The following CEP350 variants were observed in gnomAD, a reference collection of about 807,000 sequenced individuals.
The protein encoded by CEP350 is centrosomal protein 350.
Under a neutral mutation model 331.8 loss-of-function variants are expected in CEP350, and 126 were observed. That is an observed-to-expected ratio of 0.38 (90% CI 0.33 to 0.44). CEP350 has a LOEUF of 0.44. Among genes scored for constraint, CEP350 ranks in the 20% least tolerant of loss-of-function variants. The pLI is 1.00. For missense variants in CEP350, 3,406 were observed against 3,634.6 expected, an observed-to-expected ratio of 0.94 and a Z score of 1.62; for synonymous variants, 1,200 against 1,259.5, an observed-to-expected ratio of 0.95 and a Z score of 1.00.
At chr1:179,977,490 G>A (rs988669524) in intron 1 of CEP350, among the ~76,000 whole-genome samples, 1 of 152,056 alleles carries the variant, frequency 6.6e-6, no homozygotes, top group African/African-American at 2.4e-5. Flanking sequence ...CAGCCAAATT[G>A]GTAATAGTTT....
At chr1:179,985,847 TG>T (rs988380175) in intron 1 of CEP350, among the ~76,000 whole-genome samples, 8 of 152,102 alleles carry the variant, frequency 5.3e-5, no homozygotes, top group Non-Finnish European at 7.4e-5. Context: ...GAGATTTGGG[TG>T]GGGACACAGA....
intron 6 of CEP350, among the ~76,000 whole-genome samples, chr1:179,997,937 T>G (rs1208326640): frequency 1.3e-5 from 2 of 152,164 alleles, no homozygotes; most frequent in Non-Finnish European, 2.9e-5. Flanking sequence ...CATCCTCATA[T>G]TTAAGAAAAC....
intron 19 of CEP350, 124 bp from the exon 20 acceptor site, chr1:180,042,932 A>G (rs1453729937): frequency 9.2e-6 from 9 of 976,604 alleles, no homozygotes; most frequent in South Asian, 3.3e-5. Context: ...TATTTCATCT[A>G]TTAGTGGCAG....
chr1:180,075,458 TG>T (rs1383016867), intron 28 of CEP350, among the ~76,000 whole-genome samples: 2 of 151,686 alleles, frequency 1.3e-5, no homozygotes, highest in Non-Finnish European at 2.9e-5. Flanking sequence ...TGGTGGTACA[TG>T]CCTATAGTCC....
At chr1:180,033,765 G>A (rs1656176520) in intron 15 of CEP350, 97 bp from the exon 16 acceptor site, 1 of 1,239,084 alleles carries the variant, frequency 8.1e-7, no homozygotes, top group African/African-American at 1.5e-5. Flanking sequence ...TAAAGCTAAT[G>A]TTGATAGTTT....
chr1:179,956,720 T>G (rs10913915), intron 1 of CEP350, among the ~76,000 whole-genome samples: 12,455 of 152,150 alleles, frequency 0.082, 769 homozygotes, highest in African/African-American at 0.18. Flanking sequence ...GACATCAGTT[T>G]TTGGTGTGCT....
rs1220937309 is a variant in CEP350 at position 179,986,209 on chromosome 1, C to G, written c.28C>G (p.Pro10Ala). The change falls in exon 2 of 38, where the codon CCT becomes GCT. Residue 10 changes from proline (P) to alanine (A), a missense_variant. This residue lies in a region of CEP350 where 1,857 missense variants were observed against 1,909.2 expected (regional missense o/e 0.97). Transcript: ENST00000367607. The stretch of plus-strand genomic sequence containing the variant: ...GAGGAGCAGCAAATCAAAAGAGGTG[C>G]CTTTACCAAATCCAAGGAACTCTCA... The part of the protein sequence containing the change: MRSSKSKEV[P>A]LPNPRNSQSK... 6 of 1,551,330 alleles carry G rather than the reference C, an allele frequency of 3.9e-6. No individual in the cohort carries two copies. Among genetic ancestry groups the G allele is most frequent in the Admixed American group, 2.0e-5 (1 of 51,046 alleles).
At chr1:179,964,821 G>T (rs1314483953) in intron 1 of CEP350, among the ~76,000 whole-genome samples, 1 of 150,024 alleles carries the variant, frequency 6.7e-6, no homozygotes, top group Non-Finnish European at 1.5e-5. Context: ...TCCCTTCAAA[G>T]AACTAACTTT....
chr1:180,092,064 A>G (rs1051485820), intron 33 of CEP350, among the ~76,000 whole-genome samples: 4 of 151,906 alleles, frequency 2.6e-5, no homozygotes, highest in Admixed American at 2.0e-4. Context: ...AAACGATTTG[A>G]ATTTAAAACT....
chr1:180,051,961 G>C (rs1657528371), intron 22 of CEP350, among the ~76,000 whole-genome samples: 1 of 152,170 alleles, frequency 6.6e-6, no homozygotes, highest in African/African-American at 2.4e-5. Flanking sequence ...TGGAAGGGAA[G>C]ATACACAAGA....
chr1:179,988,787 T>C (rs1652835993), intron 3 of CEP350, among the ~76,000 whole-genome samples: 1 of 152,178 alleles, frequency 6.6e-6, no homozygotes, highest in Non-Finnish European at 1.5e-5. Context: ...TCAGTGATAT[T>C]TTCTGTCCTC....
chr1:180,080,804 ACCATATTGAATATTG>A (rs147277385), intron 30 of CEP350, 143 bp downstream of exon 30: 56,223 of 703,418 alleles, frequency 0.08, 3,092 homozygotes, highest in Non-Finnish European at 0.098. Flanking sequence ...GAAGATTAAT[ACCATATTGAATATTG>A]CCATATTGAA....
chr1:179,977,104 C>T (rs541924998), intron 1 of CEP350, among the ~76,000 whole-genome samples: 5 of 152,182 alleles, frequency 3.3e-5, no homozygotes, highest in Non-Finnish European at 5.9e-5. Flanking sequence ...TCTGTTTTTC[C>T]GGGACTGGAT....
At position 179,992,226 on chromosome 1, in the gene CEP350, G is replaced by T; in HGVS notation, c.395+5G>T. 6.8e-7 allele frequency: 1 copy of T among 1,464,030 alleles called. No individual in the cohort carries two copies. Among genetic ancestry groups the T allele is most frequent in the Admixed American group, 3.3e-5 (1 of 30,050 alleles). The allele number at this position is 1,464,030 out of a possible 1,614,324, so 90.7% of individuals were successfully genotyped here. A position where few individuals can be genotyped will look rare whatever the true frequency, so the allele number is the denominator to read the frequency against. On this transcript the variant is annotated splice_donor_5th_base_variant and intron_variant, in intron 5 of 37. Transcript: ENST00000367607. Reference sequence around the variant, plus strand: ...TGAACCTTTGGTTTCTTATAGGTTAGTATTGAGAAAAAAAAAAGGTATCAA... The same window carrying T: ...TGAACCTTTGGTTTCTTATAGGTTATTATTGAGAAAAAAAAAAGGTATCAA...
intron 22 of CEP350, among the ~76,000 whole-genome samples, chr1:180,050,996 A>G (rs1335860778): frequency 6.6e-6 from 1 of 152,208 alleles, no homozygotes; most frequent in African/African-American, 2.4e-5. Flanking sequence ...GTCTTGTAAG[A>G]CTTAACCATA....
At chr1:179,972,922 C>T (rs1651564135) in intron 1 of CEP350, among the ~76,000 whole-genome samples, 1 of 150,100 alleles carries the variant, frequency 6.7e-6, no homozygotes, top group Non-Finnish European at 1.5e-5. Flanking sequence ...GGCTGGAGTG[C>T]AGTGGCATGA....
chr1:180,098,646 G>A (rs964713475), intron 36 of CEP350, among the ~76,000 whole-genome samples: 1 of 152,142 alleles, frequency 6.6e-6, no homozygotes, highest in African/African-American at 2.4e-5. Context: ...GCCCAGCTAG[G>A]TTTTACTTTT....
At position 180,094,591 on chromosome 1, in the gene CEP350, C is replaced by T. The variant is rs759427114; in HGVS notation, c.8486C>T (p.Ser2829Phe). Residue 2829 changes from serine to phenylalanine, a missense_variant, in exon 34 of 38, where the codon TCC (serine) becomes TTC (phenylalanine). This residue lies in a region of CEP350 where 1,415 missense variants were observed against 1,512.3 expected (regional missense o/e 0.94). Coordinates refer to ENST00000367607, the MANE Select transcript of CEP350 (RefSeq NM_014810.5). Reference sequence around the variant, plus strand: ...TTGGAAGATGAAAAAGAAGAGATTTCCTCTCCAGATATGTGTCCCAGACCG... The same window carrying T: ...TTGGAAGATGAAAAAGAAGAGATTTTCTCTCCAGATATGTGTCCCAGACCG... ...SELEDEKEEI[S>F]SPDMCPRPES... is the part of the protein sequence containing the mutation. 18 of 1,613,642 alleles carry T rather than the reference C, an allele frequency of 1.1e-5. No homozygotes were observed. Among genetic ancestry groups the T allele is most frequent in the Non-Finnish European group, 1.4e-5 (17 of 1,179,772 alleles).
At chr1:180,099,055 A>G (rs1359701268) in intron 37 of CEP350, 70 bp downstream of exon 37, 2 of 1,457,710 alleles carry the variant, frequency 1.4e-6, no homozygotes, top group Non-Finnish European at 1.9e-6. Context: ...GTTAGATTCT[A>G]AAAGGAAAAG....
Sources: allele counts gnomAD v4.1 joint callset (sites outside exome capture counted in the v4.1 genomes callset), GRCh38; gene constraint gnomAD v4.1.1; regional missense constraint gnomAD v4.1.1; transcripts MANE v1.5; gene names NCBI Gene and HGNC (gene_info 2026-07-23, HGNC 2026-07-21).